Variants in HDAC5 observed in about 807,000 individuals in gnomAD.
The protein encoded by HDAC5 is histone deacetylase 5.
Under a neutral mutation model 133.3 loss-of-function variants are expected in HDAC5, and 25 were observed. The observed-to-expected ratio is 0.19, with a 90% CI of 0.14 to 0.26. The LOEUF (loss-of-function observed/expected upper bound fraction) is 0.26. Ranked by LOEUF, HDAC5 falls within the 10% of genes least tolerant of loss-of-function variation. The pLI is 1.00. For missense variants in HDAC5, 1,041 were observed against 1,460.5 expected, an observed-to-expected ratio of 0.71 and a Z score of 4.68; for synonymous variants, 589 against 610.8, an observed-to-expected ratio of 0.96 and a Z score of 0.53.
At chr17:44,082,855 C>G in intron 18 of HDAC5, 35 bp from the exon 19 acceptor site, 2 of 1,548,418 alleles carry the variant, frequency 1.3e-6, no homozygotes, top group Non-Finnish European at 1.7e-6. Flanking sequence ...GGGGCAAGAT[C>G]CAGGCAGGAA....
intron 3 of HDAC5, among the ~76,000 whole-genome samples, chr17:44,102,808 A>G (rs2051701106): frequency 6.6e-6 from 1 of 152,002 alleles, no homozygotes; most frequent in South Asian, 2.1e-4. Flanking sequence ...CTGGGACTAC[A>G]GGCACATGCC....
In HDAC5 at chr17:44,083,671, G is replaced by C; in HGVS notation, c.2356-19C>G. On this transcript the variant is annotated intron_variant, in intron 17 of 26. Coordinates refer to ENST00000682912, the MANE Select transcript of HDAC5 (RefSeq NM_005474.5). The stretch of plus-strand genomic sequence containing the variant: ...TGTCCACCTGCAGGGCAGGAGAGCA[G>C]GTTTCAGTGTGCCCCCTGCAGGGCA... The C allele has an allele frequency of 1.9e-6, 3 of 1,606,532 alleles. No individual in the cohort carries two copies. Among genetic ancestry groups the C allele is most frequent in the Non-Finnish European group, 2.6e-6 (3 of 1,173,300 alleles).
At chr17:44,111,675 C>T (rs1404061252) in intron 2 of HDAC5, 2 of 517,242 alleles carry the variant, frequency 3.9e-6, no homozygotes, top group South Asian at 2.8e-5. Context: ...GTTTGCTTAA[C>T]TTCTGCCCTC....
chr17:44,101,958 G>A (rs2051640571), intron 3 of HDAC5, among the ~76,000 whole-genome samples: 1 of 152,220 alleles, frequency 6.6e-6, no homozygotes, highest in Admixed American at 6.5e-5. Flanking sequence ...CTCTCCTTGG[G>A]CTAAAATCCC....
intron 3 of HDAC5, among the ~76,000 whole-genome samples, chr17:44,097,760 G>A (rs1567671240): frequency 6.6e-6 from 1 of 152,248 alleles, no homozygotes; most frequent in Non-Finnish European, 1.5e-5. Context: ...AGAGGTCCAA[G>A]CACTCCTGGC....
Position 44,078,853 on chromosome 17 carries a change from C to G in HDAC5, c.3105G>C (p.Leu1035Phe). 1 of 1,614,172 alleles carries G rather than the reference C, an allele frequency of 6.2e-7. No individual in the cohort carries two copies. The highest frequency in any genetic ancestry group is 1.7e-5 in the Admixed American group (1 of 60,030). Residue 1035 changes from leucine (L) to phenylalanine (F), a missense_variant, in exon 25 of 27, where the codon TTG becomes TTC. Transcript: ENST00000682912. The part of the protein sequence containing the change: ...VELQPLDEAV[L>F]QQKPNINAVA... The stretch of plus-strand genomic sequence containing the variant: ...CTGCGTTGATGTTGGGCTTTTGCTG[C>G]AAGACTGCCTCATCCAAGGGCTGCA...
chr17:44,082,315 A>T, intron 20 of HDAC5: 1 of 520,770 alleles, frequency 1.9e-6, no homozygotes, highest in Non-Finnish European at 3.5e-6. Flanking sequence ...AAGGTAGGAA[A>T]TCCCCTTCGT....
chr17:44,082,901 GC>G, intron 18 of HDAC5, 81 bp from the exon 19 acceptor site: 1 of 1,216,408 alleles, frequency 8.2e-7, no homozygotes, highest in Non-Finnish European at 1.2e-6. Flanking sequence ...AGAAGCACAA[GC>G]CAGGCAGGGA....
At chr17:44,101,585 G>C (rs1186643022) in intron 3 of HDAC5, among the ~76,000 whole-genome samples, 2 of 152,106 alleles carry the variant, frequency 1.3e-5, no homozygotes, top group East Asian at 3.8e-4. Flanking sequence ...TGGATCTGAG[G>C]AGCTGCCTTC....
At chr17:44,122,532 C>T (rs747476640) in intron 1 of HDAC5, among the ~76,000 whole-genome samples, 19 of 152,172 alleles carry the variant, frequency 1.2e-4, no homozygotes, top group Non-Finnish European at 2.1e-4. Context: ...AAAGCAACTG[C>T]AGCTGTTACC....
At position 44,078,189 on chromosome 17, in the gene HDAC5, G is replaced by C; in HGVS notation, c.*187C>G. ...GGAAGACACCACCACCCCCTGCAGAGGGAGCAGGCTTCTAGAGCTGAGGTG... is the reference window on the plus strand; with the variant it reads ...GGAAGACACCACCACCCCCTGCAGACGGAGCAGGCTTCTAGAGCTGAGGTG... On this transcript the variant is annotated 3_prime_UTR_variant, in exon 27 of 27. Transcript: ENST00000682912. The C allele has an allele frequency of 1.9e-6, 1 of 532,160 alleles. No individual in the cohort carries two copies. The highest frequency in any genetic ancestry group is 3.2e-6 in the Non-Finnish European group (1 of 310,272). The allele number at this position is 532,160 out of a possible 1,614,324, so 33.0% of individuals were successfully genotyped here. A position where few individuals can be genotyped will look rare whatever the true frequency, so the allele number is the denominator to read the frequency against.
chr17:44,092,695 G>GTCGTCTT lies in HDAC5; in HGVS notation c.752_753insAAGACGA (p.Asp251GlufsTer12). ...ACTCACCTGTTTTGCGGAGGGGGAA[G>GTCGTCTT]TCGTCTCGACTGTCGTAGGGCCCAG... On this transcript the variant is annotated frameshift_variant, in exon 7 of 27. Coordinates refer to ENST00000682912, the MANE Select transcript of HDAC5 (RefSeq NM_005474.5). LOFTEE classifies it high-confidence loss of function. 1 of 1,517,920 alleles carries GTCGTCTT rather than the reference G, an allele frequency of 6.6e-7. No individual in the cohort carries two copies. Among genetic ancestry groups the GTCGTCTT allele is most frequent in the African/African-American group, 1.4e-5 (1 of 71,698 alleles). The allele number at this position is 1,517,920 out of a possible 1,614,324, so 94.0% of individuals were successfully genotyped here.
chr17:44,091,859 TGA>T, intron 9 of HDAC5, 28 bp from the exon 10 acceptor site: 1 of 1,525,566 alleles, frequency 6.6e-7, no homozygotes, highest in Non-Finnish European at 8.8e-7. Context: ...GAGACAGGCA[TGA>T]GAGTGCACAA....
intron 1 of HDAC5, among the ~76,000 whole-genome samples, chr17:44,118,242 A>T (rs1340512678): frequency 6.6e-6 from 1 of 152,220 alleles, no homozygotes; most frequent in Non-Finnish European, 1.5e-5. Flanking sequence ...CCCACAGTTC[A>T]ACAACAGACC....
intron 3 of HDAC5, among the ~76,000 whole-genome samples, chr17:44,109,339 C>A (rs1285930367): frequency 4.6e-5 from 7 of 152,172 alleles, no homozygotes; most frequent in Admixed American, 6.5e-5. Context: ...AACCAGCCCT[C>A]TGGGTTTATT....
intron 2 of HDAC5, chr17:44,111,481 C>T: frequency 2.3e-6 from 1 of 441,472 alleles, no homozygotes; most frequent in Non-Finnish European, 4.6e-6. Flanking sequence ...GGCCAGGGTA[C>T]CCATGCATCT....
In HDAC5 at chr17:44,079,264, C is replaced by A; in HGVS notation, c.2958G>T (p.Leu986Phe). Residue 986 changes from leucine to phenylalanine, a missense_variant, in exon 24 of 27, where the codon TTG becomes TTT. Leu to Phe is a conservative substitution (Grantham distance 22). This residue lies in a region of HDAC5 where 174 missense variants were observed against 352.7 expected (regional missense o/e 0.49). Transcript: ENST00000682912. ...YSVTARCFGH[L>F]TRQLMTLAGG... is the part of the protein sequence containing the mutation. The stretch of plus-strand genomic sequence containing the variant: ...CTGCCAGGGTCATCAGCTGCCTGGT[C>A]AAGTGGCCAAAACCTTTGAGGATGG... 6.2e-7 allele frequency: 1 copy of A among 1,613,556 alleles called. No homozygotes were observed. Among genetic ancestry groups the A allele is most frequent in the South Asian group, 1.1e-5 (1 of 91,004 alleles).
intron 14 of HDAC5, 169 bp from the exon 15 acceptor site, chr17:44,085,324 A>T: frequency 2.2e-6 from 1 of 450,684 alleles, no homozygotes; most frequent in Non-Finnish European, 3.6e-6. Flanking sequence ...TCTCCTCTCC[A>T]GCTTTTTTTT....
intron 1 of HDAC5, chr17:44,119,988 C>G (rs1198545407): frequency 1.3e-5 from 2 of 152,340 alleles, no homozygotes; most frequent in Non-Finnish European, 2.9e-5. Flanking sequence ...TCCAGACAGA[C>G]CCCTACCCCA....
Sources: gnomAD v4.1 joint callset for allele counts (sites outside exome capture counted in the v4.1 genomes callset) on GRCh38, gnomAD v4.1.1 for gene constraint, gnomAD v4.1.1 regional missense constraint, MANE v1.5 for transcripts, NCBI Gene and HGNC (gene_info 2026-07-23, HGNC 2026-07-21) for gene names.